USP21: variants seen among roughly 807,000 people sequenced by gnomAD.
USP21 encodes the protein ubiquitin specific peptidase 21.
In USP21, 37 loss-of-function variants were observed where a neutral mutation model predicts 70.8. The observed-to-expected ratio is 0.52, with a 90% CI of 0.40 to 0.69. USP21 has a LOEUF of 0.69. Among genes scored for constraint, USP21 ranks in the 30% least tolerant of loss-of-function variants. The pLI, the probability that USP21 is intolerant of heterozygous loss-of-function variation, is 0.00. For missense variants in USP21, 584 were observed against 740.8 expected (o/e 0.79, Z 2.46); for synonymous variants, 263 against 283.1 (o/e 0.93, Z 0.71).
At position 161,162,154 on chromosome 1, in the gene USP21, G is replaced by A. The variant is rs548162574; in HGVS notation, c.660+57G>A. 2.1e-4 allele frequency: 333 copies of A among 1,613,046 alleles called. 1 individual carries two copies. The highest frequency in any genetic ancestry group is 3.8e-5 in the Non-Finnish European group (45 of 1,179,162). On this transcript the variant is annotated intron_variant, in intron 4 of 13. Coordinates refer to ENST00000368002, the MANE Select transcript of USP21 (RefSeq NM_001014443.3). This position sits in a 1 kb window ranked among gnomAD's most constrained non-coding sequence, Gnocchi z 4.1. The stretch of plus-strand genomic sequence containing the variant: ...AAAGGAATGTGAAATGGTGCTGGGG[G>A]TGGGGAAAACCCACGAGCTTGGGGA...
Position 161,162,370 on chromosome 1 carries a change from G to A in USP21, c.761G>A (p.Arg254Gln), listed in dbSNP as rs780201653. 5 of 1,610,576 alleles carry A rather than the reference G, an allele frequency of 3.1e-6. No individual in the cohort carries two copies. Among genetic ancestry groups the A allele is most frequent in the South Asian group, 1.1e-5 (1 of 90,562 alleles). The change falls in exon 5 of 14, where the codon CGA (arginine) becomes CAA (glutamine). Residue 254 changes from arginine to glutamine, a missense_variant. Arg to Gln is a conservative substitution (Grantham distance 43). This residue lies in a region of USP21 where 87 missense variants were observed against 162.4 expected (regional missense o/e 0.54). Coordinates refer to ENST00000368002, the MANE Select transcript of USP21 (RefSeq NM_001014443.3). The surrounding 1 kb of genome is among the most constrained non-coding windows in gnomAD (Gnocchi z 4.1). ...DFRQEVPGGG[R>Q]AQELTEAFAD... ...CGGCAAGAGGTGCCTGGAGGAGGCCGAGCCCAAGAGCTCACTGAAGGTGGG... is the reference window on the plus strand; with the variant it reads ...CGGCAAGAGGTGCCTGGAGGAGGCCAAGCCCAAGAGCTCACTGAAGGTGGG...
intron 7 of USP21, among the ~76,000 whole-genome samples, 166 bp from the exon 8 acceptor site, chr1:161,163,389 G>A (rs1658108960): frequency 6.6e-6 from 1 of 152,142 alleles, no homozygotes; most frequent in African/African-American, 2.4e-5. Flanking sequence ...GATTTCCCTA[G>A]AAAGTTCATT....
rs1467540453 is a variant in USP21, at chr1:161,164,975, A to G, written c.1492+33A>G. On this transcript the variant is annotated intron_variant, in intron 12 of 13. Transcript: ENST00000368002. This position sits in a 1 kb window ranked among gnomAD's most constrained non-coding sequence, Gnocchi z 4.2. ...TGGTGGGGAAAGTCCTAAGGAGCCA[A>G]AGGAGTGGGGGCACAGCTCTGATTA... 2.5e-6 allele frequency: 4 copies of G among 1,613,488 alleles called. No individual in the cohort carries two copies. The highest frequency in any genetic ancestry group is 2.2e-5 in the South Asian group (2 of 91,066).
chr1:161,163,668 T>G, intron 8 of USP21, 49 bp downstream of exon 8: 218 of 642,790 alleles, frequency 3.4e-4, no homozygotes, highest in Non-Finnish European at 5.2e-4. Flanking sequence ...GTGAGGGGGG[T>G]ACAGGCTTGG....
chr1:161,164,307 G>T lies in USP21; in HGVS notation c.1305+57G>T, dbSNP rs113431717. 340 of 1,518,636 alleles carry T rather than the reference G, an allele frequency of 2.2e-4. No homozygotes were observed. In the African/African-American group the frequency reaches 4.2e-3, roughly 19 times the overall value. 94.1% of individuals were successfully genotyped at this position (1,518,636 alleles called of 1,614,324 possible). ...GGTGGGAGACCTGGGGGGACTCCAT[G>T]TGGATAAAAGGGATTGCATGATGTC... On this transcript the variant is annotated intron_variant, in intron 10 of 13. Transcript: ENST00000368002. This position sits in a 1 kb window ranked among gnomAD's most constrained non-coding sequence, Gnocchi z 4.2.
In USP21 at chr1:161,165,160, A is replaced by C. The variant is rs774507460; in HGVS notation, c.1607+17A>C. 8 of 1,604,824 alleles carry C rather than the reference A, an allele frequency of 5.0e-6. No individual in the cohort carries two copies. ...TGACTCTCGGTGAGAATAGCCTCCT[A>C]TTTACATCCTGCCCCATTCCCACTC... is the stretch of plus-strand genomic sequence containing the variant. On this transcript the variant is annotated intron_variant, in intron 13 of 13. Transcript: ENST00000368002.
In USP21 at chr1:161,164,152, C is replaced by A; in HGVS notation, c.1219-12C>A. ...TCAGAACATGTTGACCTTTCTTCCC[C>A]TTTTCCCCCAGAAAGGATTTGCTGG... On this transcript the variant is annotated splice_polypyrimidine_tract_variant and intron_variant, in intron 9 of 13. Coordinates refer to ENST00000368002, the MANE Select transcript of USP21 (RefSeq NM_001014443.3). This position sits in a 1 kb window ranked among gnomAD's most constrained non-coding sequence, Gnocchi z 4.2. 6.2e-7 allele frequency: 1 copy of A among 1,613,766 alleles called. No homozygotes were observed.
Position 161,163,715 on chromosome 1 carries a change from A to T in USP21, c.1114+96A>T, listed in dbSNP as rs1275569006. Reference sequence around the variant, plus strand: ...GATACTATCAAGGGGTATGGGAACAAGACTGGATGATGCAAATGTGAAGCT... The same window carrying T: ...GATACTATCAAGGGGTATGGGAACATGACTGGATGATGCAAATGTGAAGCT... On this transcript the variant is annotated intron_variant, in intron 8 of 13. Coordinates refer to ENST00000368002, the MANE Select transcript of USP21 (RefSeq NM_001014443.3). 2.8e-6 allele frequency: 4 copies of T among 1,416,282 alleles called. No homozygotes were observed. In the East Asian group the frequency reaches 9.1e-5, roughly 32 times the overall value. 87.7% of individuals were successfully genotyped at this position (1,416,282 alleles called of 1,614,324 possible).
chr1:161,163,488 G>A lies in USP21; in HGVS notation c.1050-67G>A, dbSNP rs1045377250. The stretch of plus-strand genomic sequence containing the variant: ...TAGGGCTCTGTAGGTTGTTTCAGTG[G>A]GTGTTGGGGGTGCCCAGTGTTCCTG... On this transcript the variant is annotated intron_variant, in intron 7 of 13. Transcript: ENST00000368002. 4 of 1,451,222 alleles carry A rather than the reference G, an allele frequency of 2.8e-6. No individual in the cohort carries two copies. The African/African-American group carries it at 5.6e-5, about 20-fold the overall frequency. The allele number at this position is 1,451,222 out of a possible 1,614,324, so 89.9% of individuals were successfully genotyped here.
Position 161,162,860 on chromosome 1 carries a change from G to C in USP21, c.894-59G>C. On this transcript the variant is annotated intron_variant, in intron 6 of 13. Transcript: ENST00000368002. The surrounding 1 kb of genome is among the most constrained non-coding windows in gnomAD (Gnocchi z 4.1). ...AAGTGGGGACCAATATCTGGGCAGG[G>C]AATAGTGTCTGTGGACTAGGAGAGG... The C allele has an allele frequency of 6.3e-7, 1 of 1,595,168 alleles. No individual in the cohort carries two copies. The highest frequency in any genetic ancestry group is 1.1e-5 in the South Asian group (1 of 89,432).
At position 161,160,810 on chromosome 1, in the gene USP21, GT is replaced by G; in HGVS notation, c.171del (p.Leu58CysfsTer51). 1 of 1,614,220 alleles carries G rather than the reference GT, an allele frequency of 6.2e-7. No individual in the cohort carries two copies. Among genetic ancestry groups the G allele is most frequent in the Non-Finnish European group, 8.5e-7 (1 of 1,180,040 alleles). ...PMLRPLPPRP[G>X]LPDERLKKLE... Reference sequence around the variant, plus strand: ...TTACGACCTCTGCCTCCCCGGCCAGGTCTGCCTGATGAACGGCTCAAGAAAC... The same window carrying G: ...TTACGACCTCTGCCTCCCCGGCCAGGCTGCCTGATGAACGGCTCAAGAAAC... On this transcript the variant is annotated frameshift_variant, in exon 3 of 14. Coordinates refer to ENST00000368002, the MANE Select transcript of USP21 (RefSeq NM_001014443.3). LOFTEE classifies it high-confidence loss of function.
At position 161,160,490 on chromosome 1, in the gene USP21, G is replaced by C; in HGVS notation, c.-38G>C. On this transcript the variant is annotated 5_prime_UTR_variant, in exon 2 of 14. Transcript: ENST00000368002. Reference sequence around the variant, plus strand: ...CCAACCACCTAATGTGGAAATGAGAGGACAGCAAGATTGTGGGTATGGAAT... The same window carrying C: ...CCAACCACCTAATGTGGAAATGAGACGACAGCAAGATTGTGGGTATGGAAT... 1.0e-6 allele frequency: 1 copy of C among 989,170 alleles called. No individual in the cohort carries two copies. The highest frequency in any genetic ancestry group is 1.5e-6 in the Non-Finnish European group (1 of 647,836). 61.3% of individuals were successfully genotyped at this position (989,170 alleles called of 1,614,324 possible).
rs1658050827 is a variant in USP21 at position 161,162,912 on chromosome 1, G to T, written c.894-7G>T. ...GTCAGTTGCCCATACTCTTTGTCTG[G>T]CTGTAGCCAGCAGGATGCCCAAGAG... On this transcript the variant is annotated splice_region_variant and splice_polypyrimidine_tract_variant and intron_variant, in intron 6 of 13. Transcript: ENST00000368002. This position sits in a 1 kb window ranked among gnomAD's most constrained non-coding sequence, Gnocchi z 4.1. 10 of 1,606,404 alleles carry T rather than the reference G, an allele frequency of 6.2e-6. No homozygotes were observed. In the South Asian group the frequency reaches 7.7e-5, roughly 12 times the overall value.
chr1:161,161,535 A>G lies in USP21; in HGVS notation c.600+295A>G, dbSNP rs750273222. On this transcript the variant is annotated intron_variant, in intron 3 of 13. Coordinates refer to ENST00000368002, the MANE Select transcript of USP21 (RefSeq NM_001014443.3). The surrounding 1 kb of genome is among the most constrained non-coding windows in gnomAD (Gnocchi z 4.2). ...CCTTTCCCTTGCTTGCACCTTCTCT[A>G]CTGGGACTCTGCCTAGGCCTAATTA... The G allele has an allele frequency of 6.9e-6, 3 of 433,162 alleles. No individual in the cohort carries two copies. The highest frequency in any genetic ancestry group is 4.3e-5 in the East Asian group (1 of 23,494). 26.8% of individuals were successfully genotyped at this position (433,162 alleles called of 1,614,324 possible).
rs1658277538 is a variant in USP21 at position 161,164,331 on chromosome 1, T to A, written c.1305+81T>A. On this transcript the variant is annotated intron_variant, in intron 10 of 13. Transcript: ENST00000368002. This position sits in a 1 kb window ranked among gnomAD's most constrained non-coding sequence, Gnocchi z 4.2. ...TGTGGATAAAAGGGATTGCATGATGTCTTCATATGGGGAATAATATTTATG... is the reference window on the plus strand; with the variant it reads ...TGTGGATAAAAGGGATTGCATGATGACTTCATATGGGGAATAATATTTATG... 3.5e-6 allele frequency: 5 copies of A among 1,418,054 alleles called. No individual in the cohort carries two copies. Among genetic ancestry groups the A allele is most frequent in the Non-Finnish European group, 5.0e-6 (5 of 1,003,180 alleles). 87.8% of individuals were successfully genotyped at this position (1,418,054 alleles called of 1,614,324 possible).
chr1:161,165,652 AG>A lies in USP21; in HGVS notation c.*206del, dbSNP rs1658656605. The A allele has an allele frequency of 1.1e-5, 6 of 546,990 alleles. No homozygotes were observed. The South Asian group carries it at 1.6e-4, about 14-fold the overall frequency. 33.9% of individuals were successfully genotyped at this position (546,990 alleles called of 1,614,324 possible). ...CCAGCCCCATGTACAAAGCTCACCA[AG>A]CCCCTGCCCATGTACAGCCCCCAGA... is the stretch of plus-strand genomic sequence containing the variant. On this transcript the variant is annotated 3_prime_UTR_variant, in exon 14 of 14. Coordinates refer to ENST00000368002, the MANE Select transcript of USP21 (RefSeq NM_001014443.3).
In USP21 at chr1:161,162,609, C is replaced by T. The variant is rs1466912873; in HGVS notation, c.782-6C>T. ...TTGTTTGCCTTCCCCACTCCCATCC[C>T]AACAGCCTTTGCAGATGTGATTGGT... On this transcript the variant is annotated splice_region_variant and splice_polypyrimidine_tract_variant and intron_variant, in intron 5 of 13. Coordinates refer to ENST00000368002, the MANE Select transcript of USP21 (RefSeq NM_001014443.3). This position sits in a 1 kb window ranked among gnomAD's most constrained non-coding sequence, Gnocchi z 4.1. The T allele has an allele frequency of 1.9e-6, 3 of 1,608,606 alleles. No homozygotes were observed. The South Asian group carries it at 3.3e-5, about 18-fold the overall frequency.
chr1:161,163,739 CTG>C, intron 8 of USP21, 120 bp downstream of exon 8: 1 of 1,354,996 alleles, frequency 7.4e-7, no homozygotes, highest in Non-Finnish European at 1.1e-6. Flanking sequence ...AAATGTGAAG[CTG>C]TGTGAAGAGT....
chr1:161,161,301 C>A lies in USP21; in HGVS notation c.600+61C>A. ...TGTTCCTCTGTGCTTTCCTGCCATC[C>A]TCTGCCTTTTCTGTCCCCCATTTCC... is the stretch of plus-strand genomic sequence containing the variant. On this transcript the variant is annotated intron_variant, in intron 3 of 13. Coordinates refer to ENST00000368002, the MANE Select transcript of USP21 (RefSeq NM_001014443.3). The surrounding 1 kb of genome is among the most constrained non-coding windows in gnomAD (Gnocchi z 4.2). The A allele has an allele frequency of 6.6e-7, 1 of 1,513,048 alleles. No homozygotes were observed. The highest frequency in any genetic ancestry group is 8.8e-7 in the Non-Finnish European group (1 of 1,134,154). 93.7% of individuals were successfully genotyped at this position (1,513,048 alleles called of 1,614,324 possible).
Sources: allele counts gnomAD v4.1 joint callset (sites outside exome capture counted in the v4.1 genomes callset), GRCh38; gene constraint gnomAD v4.1.1; regional missense constraint gnomAD v4.1.1; non-coding constraint Gnocchi (gnomAD v3.1); transcripts MANE v1.5; gene names NCBI Gene and HGNC (gene_info 2026-07-23, HGNC 2026-07-21).